WWC1: variants seen among roughly 807,000 people sequenced by gnomAD.
The protein encoded by WWC1 is WW and C2 domain containing 1, also known as protein KIBRA.
A neutral mutation model predicts 138.4 loss-of-function variants in WWC1; 55 were observed. The observed-to-expected ratio is 0.40, with a 90% CI of 0.32 to 0.50. WWC1 has a LOEUF of 0.50. WWC1 is among the 20% of genes least tolerant of loss of function. The pLI is 0.72. For missense variants in WWC1, 1,226 were observed against 1,420.4 expected, an observed-to-expected ratio of 0.86 and a Z score of 2.20; for synonymous variants, 524 against 564.9, an observed-to-expected ratio of 0.93 and a Z score of 1.03.
intron 2 of WWC1, among the ~76,000 whole-genome samples, chr5:168,372,317 C>T (rs1001877567): frequency 1.3e-5 from 2 of 152,092 alleles, no homozygotes; most frequent in Non-Finnish European, 2.9e-5. Context: ...ACCCTCTTGG[C>T]CAAGACTGTT....
intron 17 of WWC1, among the ~76,000 whole-genome samples, chr5:168,451,903 C>CTTT (rs3085192): frequency 0.036 from 3,922 of 108,452 alleles, 446 homozygotes; most frequent in African/African-American, 0.14. Flanking sequence ...TTGTTGGTGT[C>CTTT]TTTTTTTTTT....
Position 168,408,514 on chromosome 5 carries a change from C to G in WWC1, c.728C>G (p.Ala243Gly). Residue 243 changes from alanine (A) to glycine (G), a missense_variant, in exon 7 of 23, where the codon GCC becomes GGC. By Grantham distance (60) the Ala-to-Gly change is moderately conservative. Transcript: ENST00000265293. ...TGCTCTCCCCTCCTTCAGAGCCTTGCCATGTTGAAGGACGGCTTCCGCACT... is the reference window on the plus strand; with the variant it reads ...TGCTCTCCCCTCCTTCAGAGCCTTGGCATGTTGAAGGACGGCTTCCGCACT... Reference protein sequence around the residue: ...KEKQDLIKSLAMLKDGFRTDR... With the variant: ...KEKQDLIKSLGMLKDGFRTDR... 1 of 1,613,972 alleles carries G rather than the reference C, an allele frequency of 6.2e-7. No individual in the cohort carries two copies. Among genetic ancestry groups the G allele is most frequent in the Non-Finnish European group, 8.5e-7 (1 of 1,179,928 alleles).
intron 1 of WWC1, among the ~76,000 whole-genome samples, chr5:168,320,486 C>T (rs1771973498): frequency 6.6e-6 from 1 of 152,168 alleles, no homozygotes; most frequent in South Asian, 2.1e-4. Context: ...GAGTCAGTTA[C>T]AAGACCTCTC....
At chr5:168,432,405 T>G (rs1338748812) in intron 15 of WWC1, among the ~76,000 whole-genome samples, 1 of 152,200 alleles carries the variant, frequency 6.6e-6, no homozygotes, top group Non-Finnish European at 1.5e-5. Context: ...CAAGTACATT[T>G]TGTCCTAAGA....
At chr5:168,380,973 C>T (rs1777583718) in intron 2 of WWC1, among the ~76,000 whole-genome samples, 1 of 151,942 alleles carries the variant, frequency 6.6e-6, no homozygotes, top group South Asian at 2.1e-4. Flanking sequence ...GAGGAAATTG[C>T]CTGGGAGCGT....
intron 15 of WWC1, among the ~76,000 whole-genome samples, chr5:168,440,183 G>C (rs1754620843): frequency 6.6e-6 from 1 of 152,146 alleles, no homozygotes; most frequent in Admixed American, 6.5e-5. Context: ...TATACAAATG[G>C]CCAATATGCA....
At chr5:168,436,469 C>A (rs75739450) in intron 15 of WWC1, among the ~76,000 whole-genome samples, 2,403 of 152,254 alleles carry the variant, frequency 0.016, 69 homozygotes, top group African/African-American at 0.055. Context: ...CATTTTATCT[C>A]CCAGCTGCAA....
chr5:168,439,847 G>A (rs2152868970), intron 15 of WWC1, among the ~76,000 whole-genome samples: 1 of 152,234 alleles, frequency 6.6e-6, no homozygotes, highest in Non-Finnish European at 1.5e-5. Flanking sequence ...ACATTTCCAC[G>A]AGCAAGGTGA....
At chr5:168,402,862 C>T (rs959160899) in intron 5 of WWC1, among the ~76,000 whole-genome samples, 12 of 152,100 alleles carry the variant, frequency 7.9e-5, no homozygotes, top group Non-Finnish European at 1.6e-4. Flanking sequence ...GCTATCCAGT[C>T]ACTTCTACTT....
chr5:168,428,076 C>T lies in WWC1; in HGVS notation c.1854C>T (p.Val618=). 1 of 1,613,560 alleles carries T rather than the reference C, an allele frequency of 6.2e-7. No individual in the cohort carries two copies. Among genetic ancestry groups the T allele is most frequent in the Non-Finnish European group, 8.5e-7 (1 of 1,179,806 alleles). ...GGTGTGGCCTGAAAGTGGCCTGTGT[C>T]TCAGCCGCCGTATCGGACGAGTCAG... The part of the protein sequence containing the change: ...AQGCGLKVAC[V]SAAVSDESVA... The change falls in exon 12 of 23, where the codon GTC becomes GTT. Residue 618 remains valine, a synonymous_variant. Coordinates refer to ENST00000265293, the MANE Select transcript of WWC1 (RefSeq NM_015238.3).
chr5:168,301,638 CAAAA>C (rs778792626), intron 1 of WWC1, among the ~76,000 whole-genome samples: 14 of 99,856 alleles, frequency 1.4e-4, no homozygotes, highest in African/African-American at 4.6e-4. Context: ...AACTTCGTCT[CAAAA>C]AAAAAAAAAA....
intron 1 of WWC1, among the ~76,000 whole-genome samples, chr5:168,369,820 T>A (rs547600549): frequency 2.6e-5 from 4 of 152,268 alleles, no homozygotes; most frequent in African/African-American, 9.6e-5. Context: ...GGAGTGAGTT[T>A]TAGAGGGCAG....
chr5:168,412,770 C>T (rs1251614773), intron 8 of WWC1, among the ~76,000 whole-genome samples: 1 of 151,480 alleles, frequency 6.6e-6, no homozygotes, highest in African/African-American at 2.4e-5. Context: ...AGTATAACAA[C>T]TATTTACATA....
chr5:168,445,140 C>T (rs570908403), intron 17 of WWC1, among the ~76,000 whole-genome samples: 1 of 151,532 alleles, frequency 6.6e-6, no homozygotes, highest in Admixed American at 6.6e-5. Flanking sequence ...ATGTTGAAAC[C>T]CTGTCTCTAC....
In WWC1 at chr5:168,423,713, C is replaced by G; in HGVS notation, c.1455C>G (p.Leu485=). The G allele has an allele frequency of 3.1e-6, 5 of 1,614,182 alleles. No homozygotes were observed. Among genetic ancestry groups the G allele is most frequent in the Non-Finnish European group, 4.2e-6 (5 of 1,180,034 alleles). Reference sequence around the variant, plus strand: ...TGCAGAGCAAGGTGGAGTTCCTGCTCCTGGAGGGGGCCACCGGCTTCCGGC... The same window carrying G: ...TGCAGAGCAAGGTGGAGTTCCTGCTGCTGGAGGGGGCCACCGGCTTCCGGC... ...SELQSKVEFL[L]LEGATGFRPS... The change falls in exon 11 of 23, where the codon CTC becomes CTG. Residue 485 remains leucine (L), a synonymous_variant. Coordinates refer to ENST00000265293, the MANE Select transcript of WWC1 (RefSeq NM_015238.3).
chr5:168,461,098 G>A (rs1167866420), intron 20 of WWC1, among the ~76,000 whole-genome samples: 1 of 152,186 alleles, frequency 6.6e-6, no homozygotes, highest in Non-Finnish European at 1.5e-5. Context: ...GGAGGCCGAG[G>A]TAGGAGGATC....
intron 16 of WWC1, 143 bp from the exon 17 acceptor site, chr5:168,444,351 T>C: frequency 1.3e-6 from 1 of 742,360 alleles, no homozygotes; most frequent in Non-Finnish European, 2.1e-6. Context: ...ATCAGTGACC[T>C]TGGGCAAGAC....
At chr5:168,312,936 G>A (rs1256639697) in intron 1 of WWC1, among the ~76,000 whole-genome samples, 8 of 150,922 alleles carry the variant, frequency 5.3e-5, no homozygotes, top group African/African-American at 1.7e-4. Flanking sequence ...AGCCTCTCGA[G>A]TAGCTGGGAC....
intron 3 of WWC1, among the ~76,000 whole-genome samples, chr5:168,388,866 T>C (rs1561693015): frequency 6.6e-6 from 1 of 151,794 alleles, no homozygotes; most frequent in Non-Finnish European, 1.5e-5. Context: ...AATAAATAAT[T>C]GTCGATGACA....
Sources: gnomAD v4.1 joint callset for allele counts (sites outside exome capture counted in the v4.1 genomes callset) on GRCh38, gnomAD v4.1.1 for gene constraint, MANE v1.5 for transcripts, NCBI Gene and HGNC (gene_info 2026-07-23, HGNC 2026-07-21) for gene names.